STK39: variants seen among roughly 807,000 people sequenced by gnomAD.
STK39 encodes STE20/SPS1-related proline-alanine-rich protein kinase.
In STK39, 20 loss-of-function variants were observed where a neutral mutation model predicts 77.8. The ratio of observed to expected loss-of-function variants is 0.26; its 90% CI spans 0.18 to 0.37. STK39 has a LOEUF of 0.37. Ranked by LOEUF, STK39 falls within the 10% of genes least tolerant of loss-of-function variation. STK39 has a pLI of 1.00. For synonymous variants in STK39, 246 were observed against 234.1 expected (o/e 1.05, Z -0.47); for missense variants, 479 against 656.5 (o/e 0.73, Z 2.95).
chr2:168,247,326 G>A lies in STK39; in HGVS notation c.110C>T (p.Pro37Leu). The A allele has an allele frequency of 9.6e-7, 1 of 1,037,910 alleles. No individual in the cohort carries two copies. Among genetic ancestry groups the A allele is most frequent in the African/African-American group, 1.7e-5 (1 of 58,368 alleles). The allele number at this position is 1,037,910 out of a possible 1,614,324, so 64.3% of individuals were successfully genotyped here. A position where few individuals can be genotyped will look rare whatever the true frequency, so the allele number is the denominator to read the frequency against. ...APAAATAAPA[P>L]AAPAAPAPAP... ...CGGGGCCGGGGCCGCGGGAGCTGCCGGGGCCGGCGCTGCTGTCGCGGCCGC... is the reference window on the plus strand; with the variant it reads ...CGGGGCCGGGGCCGCGGGAGCTGCCAGGGCCGGCGCTGCTGTCGCGGCCGC... The change falls in exon 1 of 18, where the codon CCG (proline) becomes CTG (leucine). Residue 37 changes from proline to leucine, a missense_variant. Physicochemically the swap from Pro to Leu is moderately conservative, Grantham distance 98. Coordinates refer to ENST00000355999, the MANE Select transcript of STK39 (RefSeq NM_013233.3).
intron 1 of STK39, among the ~76,000 whole-genome samples, chr2:168,225,950 T>C (rs979101688): frequency 4.6e-5 from 7 of 152,104 alleles, no homozygotes; most frequent in Admixed American, 2.0e-4. Flanking sequence ...GGGATTAAGA[T>C]TGGGAAATAC....
At chr2:168,063,374 T>C (rs991895186) in intron 14 of STK39, 126 bp downstream of exon 14, 5 of 807,584 alleles carry the variant, frequency 6.2e-6, no homozygotes, top group Middle Eastern at 3.2e-4. Context: ...CATACACTCA[T>C]GGTTCGGGGA....
At chr2:168,089,670 A>G (rs187599319) in intron 10 of STK39, among the ~76,000 whole-genome samples, 2,427 of 152,276 alleles carry the variant, frequency 0.016, 23 homozygotes, top group Non-Finnish European at 0.024. Context: ...CTGGAGGGCA[A>G]TGGCGCAATC....
intron 1 of STK39, among the ~76,000 whole-genome samples, chr2:168,185,097 T>C (rs540906957): frequency 6.6e-6 from 1 of 152,360 alleles, no homozygotes; most frequent in South Asian, 2.1e-4. Context: ...ATTACTATGC[T>C]GAACAGCACC....
intron 5 of STK39, among the ~76,000 whole-genome samples, chr2:168,157,854 T>G (rs1366260676): frequency 6.6e-6 from 1 of 152,198 alleles, no homozygotes; most frequent in Non-Finnish European, 1.5e-5. Context: ...AGTAGTAAGC[T>G]TCTACAAAGT....
At chr2:168,170,041 C>A (rs6433035) in intron 2 of STK39, among the ~76,000 whole-genome samples, 4 of 152,070 alleles carry the variant, frequency 2.6e-5, no homozygotes, top group Admixed American at 2.6e-4. Context: ...ATGAAACTCG[C>A]CTTAGGGAGA....
intron 5 of STK39, among the ~76,000 whole-genome samples, chr2:168,156,382 AAC>A (rs1196786877): frequency 4.6e-5 from 7 of 152,198 alleles, no homozygotes; most frequent in African/African-American, 1.7e-4. Context: ...TTATTCCATC[AAC>A]AATGCTTATA....
At chr2:167,978,121 C>T (rs1005465436) in intron 16 of STK39, among the ~76,000 whole-genome samples, 1 of 151,986 alleles carries the variant, frequency 6.6e-6, no homozygotes, top group Non-Finnish European at 1.5e-5. Context: ...TCTCAAGCAC[C>T]GATCTTAGGT....
chr2:167,994,539 C>G (rs554325184), intron 16 of STK39, among the ~76,000 whole-genome samples: 1 of 152,214 alleles, frequency 6.6e-6, no homozygotes, highest in African/African-American at 2.4e-5. Flanking sequence ...CTAGTCAGTT[C>G]TAAAAGATTT....
intron 17 of STK39, among the ~76,000 whole-genome samples, chr2:167,962,980 C>A (rs1348788433): frequency 6.6e-6 from 1 of 152,138 alleles, no homozygotes; most frequent in African/African-American, 2.4e-5. Flanking sequence ...GGAGTGGGGG[C>A]AGACCAGGCT....
At chr2:168,038,203 A>AT (rs145573901) in intron 14 of STK39, among the ~76,000 whole-genome samples, 2,762 of 152,274 alleles carry the variant, frequency 0.018, 81 homozygotes, top group African/African-American at 0.062. Flanking sequence ...CAAAATGTTA[A>AT]TACATGTATT....
At chr2:167,961,904 G>C (rs1384205348) in intron 17 of STK39, among the ~76,000 whole-genome samples, 6 of 152,156 alleles carry the variant, frequency 3.9e-5, no homozygotes. Flanking sequence ...GGCTCTCTGG[G>C]GTTAATTTGC....
intron 1 of STK39, among the ~76,000 whole-genome samples, chr2:168,193,181 T>C (rs1311774667): frequency 1.3e-5 from 2 of 152,308 alleles, no homozygotes; most frequent in East Asian, 1.9e-4. Flanking sequence ...TCTGATCTGA[T>C]TGCACTTATA....
At chr2:168,187,464 T>A (rs546104043) in intron 1 of STK39, among the ~76,000 whole-genome samples, 7 of 152,348 alleles carry the variant, frequency 4.6e-5, no homozygotes, top group Admixed American at 4.6e-4. Flanking sequence ...CCTAACTTCT[T>A]CATGCCTCAG....
chr2:168,173,781 T>A (rs2222152), intron 2 of STK39, among the ~76,000 whole-genome samples: 78 of 152,186 alleles, frequency 5.1e-4, no homozygotes, highest in African/African-American at 1.7e-3. Context: ...ACTCCTGACC[T>A]CAGGTGATCC....
chr2:168,102,659 G>A (rs1468049113), intron 10 of STK39, among the ~76,000 whole-genome samples: 1 of 152,134 alleles, frequency 6.6e-6, no homozygotes, highest in Non-Finnish European at 1.5e-5. Context: ...GCCAGGTGCG[G>A]TGGCTCACGC....
chr2:168,037,360 G>C (rs1179828305), intron 14 of STK39, among the ~76,000 whole-genome samples: 1 of 152,184 alleles, frequency 6.6e-6, no homozygotes, highest in Non-Finnish European at 1.5e-5. Flanking sequence ...AGTATACATT[G>C]ATACTAGCTT....
intron 5 of STK39, among the ~76,000 whole-genome samples, chr2:168,157,618 C>T (rs1006167345): frequency 6.6e-6 from 1 of 152,164 alleles, no homozygotes; most frequent in Non-Finnish European, 1.5e-5. Flanking sequence ...TAGAAGGGCA[C>T]GGCAGCTCTC....
chr2:168,220,095 T>G (rs892775876), intron 1 of STK39, among the ~76,000 whole-genome samples: 2 of 152,114 alleles, frequency 1.3e-5, no homozygotes, highest in African/African-American at 4.8e-5. Context: ...ATATATACAT[T>G]TATAAATAGA....
Sources: gnomAD v4.1 joint callset for allele counts (sites outside exome capture counted in the v4.1 genomes callset) on GRCh38, gnomAD v4.1.1 for gene constraint, MANE v1.5 for transcripts, NCBI Gene and HGNC (gene_info 2026-07-23, HGNC 2026-07-21) for gene names.